The following ADAMTS12 variants were observed in gnomAD, a reference collection of about 807,000 sequenced individuals.
The protein encoded by ADAMTS12 is ADAM metallopeptidase with thrombospondin type 1 motif 12.
ADAMTS12 carries 118 observed loss-of-function variants against 167.8 expected under a neutral mutation model. The observed-to-expected ratio is 0.70, with a 90% CI of 0.61 to 0.82. The LOEUF (loss-of-function observed/expected upper bound fraction) is 0.82. Among genes scored for constraint, ADAMTS12 ranks in the 40% least tolerant of loss-of-function variants. ADAMTS12 has a pLI of 0.00. For synonymous variants in ADAMTS12, 704 were observed against 716.9 expected (o/e 0.98, Z 0.29); for missense variants, 1,916 against 1,998.8 (o/e 0.96, Z 0.79).
At chr5:33,583,844 C>G (rs187694828) in intron 18 of ADAMTS12, among the ~76,000 whole-genome samples, 1 of 151,980 alleles carries the variant, frequency 6.6e-6, no homozygotes, top group African/African-American at 2.4e-5. Context: ...TTTTTTCCTG[C>G]GCTTTTGAAG....
At chr5:33,752,198 C>T (rs917556701) in intron 2 of ADAMTS12, among the ~76,000 whole-genome samples, 1 of 152,168 alleles carries the variant, frequency 6.6e-6, no homozygotes, top group Admixed American at 6.5e-5. Flanking sequence ...ATGAGTAACT[C>T]CTTTTAGAGG....
chr5:33,716,104 G>C (rs1397686954), intron 3 of ADAMTS12, among the ~76,000 whole-genome samples: 1 of 152,140 alleles, frequency 6.6e-6, no homozygotes, highest in Non-Finnish European at 1.5e-5. Flanking sequence ...CCAGTGCAGA[G>C]GTGTTGAAAG....
intron 2 of ADAMTS12, among the ~76,000 whole-genome samples, chr5:33,824,456 T>C (rs1747984182): frequency 6.6e-6 from 1 of 152,198 alleles, no homozygotes; most frequent in African/African-American, 2.4e-5. Flanking sequence ...TACATTTTTG[T>C]AGGCTTCAAT....
At position 33,821,616 on chromosome 5, in the gene ADAMTS12, C is replaced by A. The variant is rs571758685; in HGVS notation, c.489+59503G>T. On this transcript the variant is annotated intron_variant, in intron 2 of 23. Transcript: ENST00000504830. ...CCAGCAGTACGTGACTGAGGCATCT[C>A]CCCACTCTCTAAGTACTCGTTGTTA... is the stretch of plus-strand genomic sequence containing the variant. Among the ~76,000 whole-genome samples the A allele has an allele frequency of 4.6e-4, 70 of 152,276 alleles. No homozygotes were observed. The South Asian group carries it at 0.014, about 31-fold the overall frequency.
intron 13 of ADAMTS12, among the ~76,000 whole-genome samples, chr5:33,625,737 A>G (rs1739557644): frequency 6.6e-6 from 1 of 152,204 alleles, no homozygotes; most frequent in South Asian, 2.1e-4. Context: ...CATGTCCCCA[A>G]CATTCTGTCC....
intron 2 of ADAMTS12, among the ~76,000 whole-genome samples, chr5:33,781,731 A>G (rs906183652): frequency 6.6e-6 from 1 of 151,900 alleles, no homozygotes. Flanking sequence ...GTTTTAGGGT[A>G]CATGTGCACA....
intron 14 of ADAMTS12, 46 bp from the exon 15 acceptor site, chr5:33,616,118 A>G (rs1579751407): frequency 6.2e-7 from 1 of 1,601,364 alleles, no homozygotes; most frequent in Non-Finnish European, 8.5e-7. Context: ...CCAGCTTCTC[A>G]GCTGAATGCA....
chr5:33,863,444 T>C (rs1200301032), intron 2 of ADAMTS12, among the ~76,000 whole-genome samples: 2 of 152,276 alleles, frequency 1.3e-5, no homozygotes, highest in South Asian at 2.1e-4. Context: ...CCATTCACAA[T>C]TGCTACAAAG....
At chr5:33,596,636 C>T (rs1254437679) in intron 16 of ADAMTS12, among the ~76,000 whole-genome samples, 3 of 152,146 alleles carry the variant, frequency 2.0e-5, no homozygotes, top group African/African-American at 4.8e-5. Context: ...GAGCTGAGAT[C>T]GTGCCACTGC....
intron 20 of ADAMTS12, among the ~76,000 whole-genome samples, chr5:33,559,802 C>T (rs1243204293): frequency 1.3e-5 from 2 of 152,136 alleles, no homozygotes; most frequent in Admixed American, 1.3e-4. Flanking sequence ...ATCGCTTGAA[C>T]CCGGGAGGCA....
intron 11 of ADAMTS12, among the ~76,000 whole-genome samples, chr5:33,641,154 A>C (rs1273692043): frequency 2.0e-5 from 3 of 152,068 alleles, no homozygotes; most frequent in African/African-American, 7.2e-5. Context: ...TATTTGGAAA[A>C]CAAGCAAGTT....
chr5:33,570,501 T>G, intron 19 of ADAMTS12, among the ~76,000 whole-genome samples: 1 of 152,066 alleles, frequency 6.6e-6, no homozygotes, highest in Non-Finnish European at 1.5e-5. Context: ...AAACTAAGCT[T>G]CATAAGTAAA....
chr5:33,844,334 CTT>C (rs1460100200), intron 2 of ADAMTS12, among the ~76,000 whole-genome samples: 1 of 152,204 alleles, frequency 6.6e-6, no homozygotes, highest in Admixed American at 6.5e-5. Flanking sequence ...CCATATTTCT[CTT>C]CTTTCAAAAG....
At chr5:33,654,716 C>T (rs1489714561) in intron 7 of ADAMTS12, among the ~76,000 whole-genome samples, 1 of 152,138 alleles carries the variant, frequency 6.6e-6, no homozygotes, top group Non-Finnish European at 1.5e-5. Context: ...CTAGGCTTCC[C>T]ACTCAGACTT....
chr5:33,847,122 T>C (rs1034821587), intron 2 of ADAMTS12, among the ~76,000 whole-genome samples: 4 of 152,200 alleles, frequency 2.6e-5, no homozygotes, highest in Non-Finnish European at 5.9e-5. Context: ...TGAGAAGAAC[T>C]GAGAGTGAAG....
At chr5:33,724,178 G>A (rs1296914466) in intron 3 of ADAMTS12, among the ~76,000 whole-genome samples, 1 of 152,110 alleles carries the variant, frequency 6.6e-6, no homozygotes, top group African/African-American at 2.4e-5. Flanking sequence ...TTTTTAAACA[G>A]TTCTGGATTT....
At chr5:33,649,759 C>A (rs1419687412) in intron 7 of ADAMTS12, 62 bp from the exon 8 acceptor site, 1 of 1,584,724 alleles carries the variant, frequency 6.3e-7, no homozygotes, top group Admixed American at 1.7e-5. Flanking sequence ...GGAAGAAAAA[C>A]CATAGTTTCC....
chr5:33,549,569 AAC>A (rs1400265881), intron 20 of ADAMTS12, among the ~76,000 whole-genome samples, 186 bp from the exon 21 acceptor site: 3 of 152,242 alleles, frequency 2.0e-5, no homozygotes, highest in African/African-American at 7.2e-5. Flanking sequence ...GATGTCGGGA[AAC>A]ACATGCATAG....
chr5:33,889,152 A>G (rs369693257), intron 1 of ADAMTS12, among the ~76,000 whole-genome samples: 1 of 152,150 alleles, frequency 6.6e-6, no homozygotes, highest in Non-Finnish European at 1.5e-5. Flanking sequence ...CCTTATCCAT[A>G]AAAGTAAAAA....
Sources: gnomAD v4.1 joint callset for allele counts (sites outside exome capture counted in the v4.1 genomes callset) on GRCh38, gnomAD v4.1.1 for gene constraint, MANE v1.5 for transcripts, NCBI Gene and HGNC (gene_info 2026-07-23, HGNC 2026-07-21) for gene names.